The following TIAM1 variants were observed in gnomAD, a reference collection of about 807,000 sequenced individuals.
TIAM1 encodes rho guanine nucleotide exchange factor TIAM1.
Under a neutral mutation model 163.5 loss-of-function variants are expected in TIAM1, and 65 were observed. The ratio of observed to expected loss-of-function variants is 0.40; its 90% confidence interval spans 0.33 to 0.49. TIAM1 has a LOEUF of 0.49. Ranked by LOEUF, TIAM1 falls within the 20% of genes least tolerant of loss-of-function variation. The probability of loss-of-function intolerance (pLI) is 0.77; values close to 1 mark genes in which losing one functional copy is unlikely to be tolerated. For missense variants in TIAM1, 1,789 were observed against 2,044.7 expected, an observed-to-expected ratio of 0.87 and a Z score of 2.41; for synonymous variants, 833 against 810.1, an observed-to-expected ratio of 1.03 and a Z score of -0.48.
At chr21:31,280,343 G>C (rs1315899345) in intron 2 of TIAM1, among the ~76,000 whole-genome samples, 1 of 152,166 alleles carries the variant, frequency 6.6e-6, no homozygotes, top group Non-Finnish European at 1.5e-5. Context: ...AAAAAGAGGA[G>C]TTTCCCTGCA....
intron 2 of TIAM1, among the ~76,000 whole-genome samples, chr21:31,373,437 C>T (rs192659572): frequency 6.6e-6 from 1 of 152,234 alleles, no homozygotes; most frequent in East Asian, 1.9e-4. Context: ...GCGAAAGGCA[C>T]TTCTTTCGTG....
At chr21:31,324,138 C>T (rs1263689452) in intron 2 of TIAM1, among the ~76,000 whole-genome samples, 1 of 152,102 alleles carries the variant, frequency 6.6e-6, no homozygotes, top group Non-Finnish European at 1.5e-5. Flanking sequence ...GTAATGGCCG[C>T]TTGACCCCCT....
At chr21:31,356,429 G>C (rs2076317874) in intron 2 of TIAM1, among the ~76,000 whole-genome samples, 1 of 152,156 alleles carries the variant, frequency 6.6e-6, no homozygotes, top group Non-Finnish European at 1.5e-5. Flanking sequence ...GGGTCTGAAT[G>C]TTTGTGTCCC....
At chr21:31,474,993 C>A (rs932396562) in intron 1 of TIAM1, among the ~76,000 whole-genome samples, 2 of 150,662 alleles carry the variant, frequency 1.3e-5, no homozygotes, top group Non-Finnish European at 2.9e-5. Context: ...GAATTGCAGC[C>A]GCTCCACATA....
At chr21:31,387,760 T>C (rs1348268895) in intron 2 of TIAM1, among the ~76,000 whole-genome samples, 1 of 151,912 alleles carries the variant, frequency 6.6e-6, no homozygotes, top group African/African-American at 2.4e-5. Flanking sequence ...GTGGTGAGCG[T>C]CACTTGGGGA....
At chr21:31,467,585 C>G (rs143423772) in intron 1 of TIAM1, among the ~76,000 whole-genome samples, 2 of 150,428 alleles carry the variant, frequency 1.3e-5, no homozygotes, top group African/African-American at 4.9e-5. Context: ...AAGATTGGGC[C>G]ACTGCACTCC....
chr21:31,136,065 G>T, intron 22 of TIAM1, 24 bp from the exon 23 acceptor site: 1 of 1,592,894 alleles, frequency 6.3e-7, no homozygotes, highest in Non-Finnish European at 8.6e-7. Flanking sequence ...ACGTGACAAA[G>T]CTTACTGGGT....
At chr21:31,530,184 T>G (rs955686919) in intron 1 of TIAM1, among the ~76,000 whole-genome samples, 1 of 152,224 alleles carries the variant, frequency 6.6e-6, no homozygotes, top group Non-Finnish European at 1.5e-5. Context: ...TCTGAATTCA[T>G]ACTGAAAAGG....
intron 2 of TIAM1, among the ~76,000 whole-genome samples, chr21:31,335,522 C>T (rs1374726433): frequency 2.0e-5 from 3 of 151,882 alleles, no homozygotes; most frequent in East Asian, 3.9e-4. Flanking sequence ...CTGGCCAACA[C>T]GGTGAAACCC....
At chr21:31,308,263 TA>T (rs1412723670) in intron 2 of TIAM1, among the ~76,000 whole-genome samples, 2 of 151,948 alleles carry the variant, frequency 1.3e-5, no homozygotes, top group Non-Finnish European at 2.9e-5. Context: ...AACAAAAAAC[TA>T]AAAGCTGCAC....
At chr21:31,237,645 CTT>C (rs1468292941) in intron 6 of TIAM1, among the ~76,000 whole-genome samples, 1 of 152,142 alleles carries the variant, frequency 6.6e-6, no homozygotes, top group East Asian at 1.9e-4. Context: ...GATGAGAAAA[CTT>C]TCTATGGGAA....
At chr21:31,346,885 G>A (rs531505424), upstream of TIAM1, among the ~76,000 whole-genome samples, 1 of 152,166 alleles carries the variant, frequency 6.6e-6, no homozygotes, top group East Asian at 1.9e-4. Context: ...TTAGCTCTGG[G>A]TGGGTGGGGG....
intron 2 of TIAM1, among the ~76,000 whole-genome samples, chr21:31,308,980 T>G (rs1249366449): frequency 6.6e-6 from 1 of 151,758 alleles, no homozygotes; most frequent in East Asian, 1.9e-4. Flanking sequence ...AGGAAGCAAA[T>G]GCAATTAGCT....
intron 6 of TIAM1, among the ~76,000 whole-genome samples, chr21:31,232,280 C>T (rs1276592585): frequency 2.0e-5 from 3 of 152,158 alleles, no homozygotes; most frequent in Non-Finnish European, 4.4e-5. Context: ...CCTCAGCCCC[C>T]CAAACTTTTT....
intron 4 of TIAM1, among the ~76,000 whole-genome samples, chr21:31,263,458 T>A (rs2072588717): frequency 1.3e-5 from 2 of 152,184 alleles, no homozygotes; most frequent in African/African-American, 4.8e-5. Context: ...CACTTCCATA[T>A]ATTCACAATT....
intron 1 of TIAM1, among the ~76,000 whole-genome samples, chr21:31,517,225 G>A (rs951435996): frequency 6.6e-6 from 1 of 151,982 alleles, no homozygotes; most frequent in Non-Finnish European, 1.5e-5. Context: ...ACGATCTCAG[G>A]AGATCTGTGT....
At chr21:31,132,127 G>A (rs1191527055) in intron 23 of TIAM1, among the ~76,000 whole-genome samples, 1 of 152,172 alleles carries the variant, frequency 6.6e-6, no homozygotes, top group Non-Finnish European at 1.5e-5. Flanking sequence ...ATTACAAAAG[G>A]AACAAACATT....
At chr21:31,282,332 T>C (rs1287050047) in intron 2 of TIAM1, among the ~76,000 whole-genome samples, 1 of 152,186 alleles carries the variant, frequency 6.6e-6, no homozygotes, top group East Asian at 1.9e-4. Flanking sequence ...GTCTTGAAAA[T>C]TATTTTTTTA....
intron 2 of TIAM1, among the ~76,000 whole-genome samples, chr21:31,351,453 T>TA (rs1459794020): frequency 6.6e-6 from 1 of 152,028 alleles, no homozygotes; most frequent in Non-Finnish European, 1.5e-5. Context: ...CACATACAAA[T>TA]AAAAAACAAT....
Sources: gnomAD v4.1 joint callset for allele counts (sites outside exome capture counted in the v4.1 genomes callset) on GRCh38, gnomAD v4.1.1 for gene constraint, MANE v1.5 for transcripts, NCBI Gene and HGNC (gene_info 2026-07-23, HGNC 2026-07-21) for gene names.